CSMD1: variants seen among roughly 807,000 people sequenced by gnomAD.
CSMD1 encodes CUB and sushi domain-containing protein 1.
CSMD1 carries 213 observed loss-of-function variants against 417.5 expected under a neutral mutation model. The ratio of observed to expected loss-of-function variants is 0.51; its 90% CI spans 0.46 to 0.57. The LOEUF is 0.57. CSMD1 is among the 20% of genes least tolerant of loss of function. The pLI is 0.00. For synonymous variants in CSMD1, 2,862 were observed against 1,736.8 expected (o/e 1.65, Z -16.11); for missense variants, 6,923 against 4,529.7 (o/e 1.53, Z -15.17).
chr8:4,189,132 C>G (rs1198365569), intron 3 of CSMD1, among the ~76,000 whole-genome samples: 1 of 152,170 alleles, frequency 6.6e-6, no homozygotes, highest in East Asian at 1.9e-4. Context: ...GCCCTGTAAA[C>G]CAAGTTTGTG....
At chr8:3,689,104 A>G (rs1461307737) in intron 7 of CSMD1, among the ~76,000 whole-genome samples, 1 of 152,206 alleles carries the variant, frequency 6.6e-6, no homozygotes, top group African/African-American at 2.4e-5. Flanking sequence ...AATGAGAAAA[A>G]TAACAGCAAC....
intron 7 of CSMD1, among the ~76,000 whole-genome samples, chr8:3,697,780 A>G (rs774529102): frequency 6.6e-6 from 1 of 152,212 alleles, no homozygotes; most frequent in Non-Finnish European, 1.5e-5. Flanking sequence ...ACTTCTAAAA[A>G]GTAGTGATGG....
intron 5 of CSMD1, among the ~76,000 whole-genome samples, chr8:3,831,667 T>C (rs897330564): frequency 3.3e-5 from 5 of 152,138 alleles, no homozygotes; most frequent in Non-Finnish European, 7.4e-5. Context: ...CAAATTAAAA[T>C]CTTTACCGGC....
chr8:3,897,495 G>C (rs1228510040), intron 5 of CSMD1, among the ~76,000 whole-genome samples: 1 of 151,812 alleles, frequency 6.6e-6, no homozygotes, highest in Non-Finnish European at 1.5e-5. Context: ...TGATCTTAAA[G>C]TCATGCATAA....
rs139432974 is a variant in CSMD1, at chr8:4,755,034, A to C, written c.86-117476T>G. ...GTGCCTGTGATCCCAGCTACTTGGG[A>C]GGCTGAGGCAGAAGAATTGCTTGAA... On this transcript the variant is annotated intron_variant, in intron 1 of 69. Coordinates refer to ENST00000635120, the MANE Select transcript of CSMD1 (RefSeq NM_033225.6). Among the ~76,000 whole-genome samples the C allele has an allele frequency of 2.6e-3, 400 of 152,192 alleles. 3 individuals are homozygous for C. The highest frequency in any genetic ancestry group is 8.9e-3 in the African/African-American group (369 of 41,518).
At chr8:4,954,373 T>C (rs1808948658) in intron 1 of CSMD1, among the ~76,000 whole-genome samples, 1 of 152,186 alleles carries the variant, frequency 6.6e-6, no homozygotes, top group Non-Finnish European at 1.5e-5. Flanking sequence ...ACACATTTTT[T>C]GTGTGTGATT....
chr8:3,388,159 T>A (rs1340569978), intron 17 of CSMD1, among the ~76,000 whole-genome samples: 1 of 152,216 alleles, frequency 6.6e-6, no homozygotes, highest in Non-Finnish European at 1.5e-5. Flanking sequence ...ACACATATAA[T>A]GCAATTAAAA....
chr8:3,205,887 T>C (rs1797224188), intron 30 of CSMD1, among the ~76,000 whole-genome samples: 2 of 152,132 alleles, frequency 1.3e-5, no homozygotes, highest in Non-Finnish European at 2.9e-5. Context: ...GAAACATCTA[T>C]AATAATAATA....
rs1317805791 is a variant in CSMD1, at chr8:3,931,290, G to C, written c.818+66613C>G. On this transcript the variant is annotated intron_variant, in intron 5 of 69. Transcript: ENST00000635120. ...TTTTGAATTGTTAATAAATGGTATT[G>C]TGAAATTTTCAAATAAAATATTTAA... Among the ~76,000 whole-genome samples, 3 of 150,442 alleles carry C rather than the reference G, an allele frequency of 2.0e-5. 1 individual carries two copies. Among genetic ancestry groups the C allele is most frequent in the South Asian group, 4.3e-4 (2 of 4,646 alleles).
intron 2 of CSMD1, among the ~76,000 whole-genome samples, chr8:4,606,922 A>G (rs907077500): frequency 6.6e-6 from 1 of 152,232 alleles, no homozygotes; most frequent in Non-Finnish European, 1.5e-5. Flanking sequence ...GCTTTATTTC[A>G]TTGTACATGA....
chr8:3,891,449 G>T (rs1806967041), intron 5 of CSMD1, among the ~76,000 whole-genome samples: 1 of 152,106 alleles, frequency 6.6e-6, no homozygotes, highest in African/African-American at 2.4e-5. Context: ...GGAGGCCAAG[G>T]TGGCAGAATT....
At chr8:3,331,091 A>C (rs2117539619) in intron 23 of CSMD1, among the ~76,000 whole-genome samples, 2 of 152,202 alleles carry the variant, frequency 1.3e-5, no homozygotes, top group Middle Eastern at 6.8e-3. Flanking sequence ...ACAAAAAATT[A>C]GCCTGGCGTG....
intron 3 of CSMD1, among the ~76,000 whole-genome samples, chr8:4,270,517 C>T (rs546589398): frequency 6.6e-6 from 1 of 152,126 alleles, no homozygotes; most frequent in African/African-American, 2.4e-5. Context: ...TGAGTCTCCT[C>T]TCTTCTGATA....
intron 5 of CSMD1, among the ~76,000 whole-genome samples, chr8:3,944,046 C>T (rs937279087): frequency 6.6e-6 from 1 of 151,974 alleles, no homozygotes; most frequent in Non-Finnish European, 1.5e-5. Context: ...AGAACATGTT[C>T]TTGTTTTTGC....
chr8:3,758,870 T>G (rs1307928556), intron 5 of CSMD1, among the ~76,000 whole-genome samples: 2 of 151,712 alleles, frequency 1.3e-5, no homozygotes, highest in Non-Finnish European at 2.9e-5. Context: ...CCCAATGTAA[T>G]GAAAAAGATC....
At chr8:3,590,279 GATT>G (rs1800790871) in intron 8 of CSMD1, among the ~76,000 whole-genome samples, 1 of 151,996 alleles carries the variant, frequency 6.6e-6, no homozygotes, top group Admixed American at 6.6e-5. Flanking sequence ...ATATTCAAAT[GATT>G]ATATTTTTTC....
Position 4,744,006 on chromosome 8 carries a change from T to C in CSMD1, c.86-106448A>G, listed in dbSNP as rs1402649818. Among the ~76,000 whole-genome samples the C allele has an allele frequency of 2.0e-5, 3 of 152,246 alleles. No homozygotes were observed. The East Asian group carries it at 5.8e-4, about 29-fold the overall frequency. ...ACAAACGTGTGTTAAAGTCACGCTC[T>C]AGAGCCTGCATCCACGCCAGGCTGG... On this transcript the variant is annotated intron_variant, in intron 1 of 69. Coordinates refer to ENST00000635120, the MANE Select transcript of CSMD1 (RefSeq NM_033225.6).
At position 3,161,583 on chromosome 8, in the gene CSMD1, G is replaced by T. The variant is rs199834543; in HGVS notation, c.5844+576C>A. Among the ~76,000 whole-genome samples, 6 of 140,606 alleles carry T rather than the reference G, an allele frequency of 4.3e-5. No individual in the cohort carries two copies. The East Asian group carries it at 1.3e-3, about 29-fold the overall frequency. 92.2% of individuals were successfully genotyped at this position (140,606 alleles called of 152,430 possible). ...AGTGAGCCAAGATCAAGATCATGCC[G>T]CTGCACTCCAGCCTGGGTGACAGAG... On this transcript the variant is annotated intron_variant, in intron 38 of 69. Coordinates refer to ENST00000635120, the MANE Select transcript of CSMD1 (RefSeq NM_033225.6).
rs186818800 is a variant in CSMD1 at position 4,216,106 on chromosome 8, T to C, written c.416-184007A>G. Reference sequence around the variant, plus strand: ...GCTATTTCTTGGCATGCAGTCCTCTTCTCAATCTGGCTGCCACCTGCCTTT... The same window carrying C: ...GCTATTTCTTGGCATGCAGTCCTCTCCTCAATCTGGCTGCCACCTGCCTTT... On this transcript the variant is annotated intron_variant, in intron 3 of 69. Transcript: ENST00000635120. Among the ~76,000 whole-genome samples, 286 of 152,278 alleles carry C rather than the reference T, an allele frequency of 1.9e-3. 2 individuals are homozygous for C. The highest frequency in any genetic ancestry group is 6.6e-3 in the African/African-American group (275 of 41,564).
Sources: gnomAD v4.1 joint callset for allele counts (sites outside exome capture counted in the v4.1 genomes callset) on GRCh38, gnomAD v4.1.1 for gene constraint, MANE v1.5 for transcripts, NCBI Gene and HGNC (gene_info 2026-07-23, HGNC 2026-07-21) for gene names.